DEFB130B: variants seen among roughly 807,000 people sequenced by gnomAD.
DEFB130B encodes the protein defensin beta 130B, also known as beta-defensin 130B.
intron 1 of DEFB130B, among the ~76,000 whole-genome samples, chr8:12,066,926 A>C (rs1162642368): frequency 4.7e-5 from 6 of 126,376 alleles, no homozygotes; most frequent in African/African-American, 1.7e-4. Flanking sequence ...GTAACTTTTA[A>C]GTTTTTTTTT....
chr8:12,069,439 A>G (rs1472740308), intron 1 of DEFB130B, among the ~76,000 whole-genome samples: 1 of 135,076 alleles, frequency 7.4e-6, no homozygotes, highest in Non-Finnish European at 1.7e-5. Flanking sequence ...AACTCAGACA[A>G]CCAAAATAAT....
chr8:12,069,464 G>T (rs1270448891), intron 1 of DEFB130B, among the ~76,000 whole-genome samples: 1 of 136,428 alleles, frequency 7.3e-6, no homozygotes, highest in African/African-American at 2.5e-5. Flanking sequence ...AGCAAAAAGA[G>T]CAACACTGGA....
chr8:12,065,140 TC>T (rs1801751210), intron 1 of DEFB130B, among the ~76,000 whole-genome samples: 1 of 103,254 alleles, frequency 9.7e-6, no homozygotes, highest in African/African-American at 3.2e-5. Flanking sequence ...CCTATGTTGC[TC>T]AATACCTCAT....
intron 1 of DEFB130B, among the ~76,000 whole-genome samples, chr8:12,066,948 T>G (rs1360403465): frequency 8.0e-6 from 1 of 124,484 alleles, no homozygotes; most frequent in Non-Finnish European, 1.8e-5. Flanking sequence ...TTTTGGATGA[T>G]GTAGAGGATT....
intron 1 of DEFB130B, among the ~76,000 whole-genome samples, chr8:12,066,854 T>C (rs1406370099): frequency 1.9e-5 from 2 of 103,230 alleles, no homozygotes; most frequent in Non-Finnish European, 4.5e-5. Flanking sequence ...ATACCCTTAA[T>C]AGCGCATTCA....
At chr8:12,066,825 C>G (rs1801780852) in intron 1 of DEFB130B, among the ~76,000 whole-genome samples, 1 of 91,032 alleles carries the variant, frequency 1.1e-5, no homozygotes, top group Non-Finnish European at 2.5e-5. Context: ...GTGAGAAGGA[C>G]TTAGAATCAC....
intron 1 of DEFB130B, among the ~76,000 whole-genome samples, chr8:12,064,994 A>T (rs1339116254): frequency 2.0e-5 from 1 of 50,506 alleles, no homozygotes; most frequent in Non-Finnish European, 4.9e-5. Flanking sequence ...CCCTCCAAAT[A>T]CCCATCTGTG....
At chr8:12,069,437 C>A (rs535948135) in intron 1 of DEFB130B, among the ~76,000 whole-genome samples, 2 of 134,502 alleles carry the variant, frequency 1.5e-5, no homozygotes, top group African/African-American at 5.1e-5. Context: ...AGAACTCAGA[C>A]AACCAAAATA....
intron 1 of DEFB130B, among the ~76,000 whole-genome samples, chr8:12,065,114 T>C (rs1436681379): frequency 1.7e-5 from 2 of 119,762 alleles, no homozygotes; most frequent in Non-Finnish European, 3.9e-5. Context: ...TTCAGAACTA[T>C]GTAAGAAATA....
rs1331750894 is a variant in DEFB130B at position 12,069,543 on chromosome 8, C to G, written c.58+2147G>C. On this transcript the variant is annotated intron_variant, in intron 1 of 1. Coordinates refer to ENST00000437818, the MANE Select transcript of DEFB130B (RefSeq NM_001195257.1). ...TAACTAAAATGGCATGGGACTGGTA[C>G]AAAAGCAGACACATGAACCACTTGA... 1.8e-4 allele frequency among the ~76,000 whole-genome samples: 25 copies of G among 137,098 alleles called. 4 individuals carry two copies. 89.9% of individuals were successfully genotyped at this position (137,098 alleles called of 152,430 possible). A position where few individuals can be genotyped will look rare whatever the true frequency, so the allele number is the denominator to read the frequency against.
rs1418232916 is a variant in DEFB130B at position 12,066,905 on chromosome 8, T to C, written c.59-2335A>G. On this transcript the variant is annotated intron_variant, in intron 1 of 1. Transcript: ENST00000437818. ...GATATAACTTTCTTAGCATTAGAACTCATTGAGTCAGTAACTTTTAAGTTT... is the reference window on the plus strand; with the variant it reads ...GATATAACTTTCTTAGCATTAGAACCCATTGAGTCAGTAACTTTTAAGTTT... 6.4e-4 allele frequency among the ~76,000 whole-genome samples: 78 copies of C among 122,330 alleles called. 11 individuals are homozygous for C. Among genetic ancestry groups the C allele is most frequent in the Middle Eastern group, 3.8e-3 (1 of 266 alleles). 80.3% of individuals were successfully genotyped at this position (122,330 alleles called of 152,430 possible). A position where few individuals can be genotyped will look rare whatever the true frequency, so the allele number is the denominator to read the frequency against.
At chr8:12,065,089 A>C (rs1253793153) in intron 1 of DEFB130B, among the ~76,000 whole-genome samples, 1 of 119,420 alleles carries the variant, frequency 8.4e-6, no homozygotes, top group African/African-American at 2.8e-5. Flanking sequence ...ATTTTATCTA[A>C]ACTAATTTCC....
rs1349518930 is a variant in DEFB130B at position 12,066,972 on chromosome 8, A to C, written c.59-2402T>G. On this transcript the variant is annotated intron_variant, in intron 1 of 1. Coordinates refer to ENST00000437818, the MANE Select transcript of DEFB130B (RefSeq NM_001195257.1). ...ATGTAGAGGATTTAAATGGAACAGG[A>C]TCTGCCTGGAACTTTATCAATCAAA... Among the ~76,000 whole-genome samples, 13 of 114,994 alleles carry C rather than the reference A, an allele frequency of 1.1e-4. 1 individual carries two copies. Among genetic ancestry groups the C allele is most frequent in the African/African-American group, 4.0e-4 (13 of 32,774 alleles). 75.4% of individuals were successfully genotyped at this position (114,994 alleles called of 152,430 possible). A position where few individuals can be genotyped will look rare whatever the true frequency, so the allele number is the denominator to read the frequency against.
At chr8:12,065,049 C>G (rs1011013965) in intron 1 of DEFB130B, among the ~76,000 whole-genome samples, 5 of 113,696 alleles carry the variant, frequency 4.4e-5, no homozygotes, top group African/African-American at 1.5e-4. Flanking sequence ...ATCTTCATCT[C>G]CTTTCATAGA....
chr8:12,069,463 A>G (rs955706471), intron 1 of DEFB130B, among the ~76,000 whole-genome samples: 1 of 137,036 alleles, frequency 7.3e-6, no homozygotes, highest in African/African-American at 2.5e-5. Flanking sequence ...AAGCAAAAAG[A>G]GCAACACTGG....
rs13273221 is a variant in DEFB130B, at chr8:12,065,290, G to T, written c.59-720C>A. ...ACATGTTCTCTTAATTCATCTGGTT[G>T]TGGAGAAGCATATGGCTAAGGGTGT... On this transcript the variant is annotated intron_variant, in intron 1 of 1. Transcript: ENST00000437818. 3.7e-3 allele frequency among the ~76,000 whole-genome samples: 110 copies of T among 29,966 alleles called. 9 individuals carry two copies. Among genetic ancestry groups the T allele is most frequent in the African/African-American group, 7.3e-3 (102 of 13,954 alleles). 19.7% of individuals were successfully genotyped at this position (29,966 alleles called of 152,430 possible).
chr8:12,069,345 TCAGTG>T (rs1358021809), intron 1 of DEFB130B, among the ~76,000 whole-genome samples: 2 of 106,358 alleles, frequency 1.9e-5, no homozygotes, highest in African/African-American at 6.3e-5. Flanking sequence ...ATTTATAGAT[TCAGTG>T]CTATTCCTAT....
rs1188246568 is a variant in DEFB130B, at chr8:12,065,187, T to C, written c.59-617A>G. Among the ~76,000 whole-genome samples the C allele has an allele frequency of 8.8e-5, 3 of 34,028 alleles. 1 individual carries two copies. Among genetic ancestry groups the C allele is most frequent in the East Asian group, 3.2e-3 (1 of 312 alleles). 22.3% of individuals were successfully genotyped at this position (34,028 alleles called of 152,430 possible). On this transcript the variant is annotated intron_variant, in intron 1 of 1. Transcript: ENST00000437818. ...AGGAATGGATAGATAGATAGATAGA[T>C]AGATAGATAGATAGACAGACAGACA...
At chr8:12,065,158 A>G (rs189594748) in intron 1 of DEFB130B, among the ~76,000 whole-genome samples, 827 of 71,464 alleles carry the variant, frequency 0.012, 85 homozygotes, top group South Asian at 0.047. Context: ...TCATAGATAG[A>G]TGGAGGAATG....
Sources: gnomAD v4.1 joint callset for allele counts (sites outside exome capture counted in the v4.1 genomes callset) on GRCh38, gnomAD v4.1.1 for gene constraint, MANE v1.5 for transcripts, NCBI Gene and HGNC (gene_info 2026-07-23, HGNC 2026-07-21) for gene names.